Variants in TSNAX observed in about 807,000 individuals in gnomAD.
TSNAX encodes the protein translin-associated protein X.
Under a neutral mutation model 33.0 loss-of-function variants are expected in TSNAX, and 12 were observed. That is an observed-to-expected ratio of 0.36 (90% CI 0.23 to 0.59). The LOEUF (loss-of-function observed/expected upper bound fraction) is 0.59, where lower values mean the gene tolerates loss of function less well. Among genes scored for constraint, TSNAX ranks in the 20% least tolerant of loss-of-function variants. The pLI is 0.74. For synonymous variants in TSNAX, 110 were observed against 117.2 expected, an observed-to-expected ratio of 0.94 and a Z score of 0.40; for missense variants, 267 against 341.3, an observed-to-expected ratio of 0.78 and a Z score of 1.72.
At chr1:231,540,322 G>C (rs548722541) in intron 3 of TSNAX, among the ~76,000 whole-genome samples, 1 of 152,034 alleles carries the variant, frequency 6.6e-6, no homozygotes, top group African/African-American at 2.4e-5. Flanking sequence ...AGCTTCAGTA[G>C]TTTGTGTCTT....
At chr1:231,560,501 G>A (rs1172358302) in intron 4 of TSNAX, among the ~76,000 whole-genome samples, 1 of 132,116 alleles carries the variant, frequency 7.6e-6, no homozygotes, top group Non-Finnish European at 1.5e-5. Context: ...TGCAACCTTC[G>A]GCTCCTGGGT....
chr1:231,559,969 T>TATC (rs758098924), intron 4 of TSNAX, among the ~76,000 whole-genome samples: 118 of 148,154 alleles, frequency 8.0e-4, no homozygotes, highest in Non-Finnish European at 1.6e-3. Context: ...TCCAAATTAT[T>TATC]ATTATTATTA....
At chr1:231,552,299 AAAAC>A (rs1210044264) in intron 4 of TSNAX, among the ~76,000 whole-genome samples, 1 of 151,110 alleles carries the variant, frequency 6.6e-6, no homozygotes, top group African/African-American at 2.4e-5. Context: ...AAAAAAAACC[AAAAC>A]AAACAAAAAA....
intron 5 of TSNAX, among the ~76,000 whole-genome samples, 169 bp downstream of exon 5, chr1:231,561,424 G>A (rs147320254): frequency 9.2e-5 from 14 of 152,236 alleles, no homozygotes; most frequent in African/African-American, 2.9e-4. Flanking sequence ...TTCAGTTAGT[G>A]GATAGAACAA....
intron 4 of TSNAX, among the ~76,000 whole-genome samples, chr1:231,557,567 TGAG>T (rs1225474376): frequency 6.6e-6 from 1 of 152,182 alleles, no homozygotes. Context: ...AACTTAGCTC[TGAG>T]GAGGAGGAGA....
chr1:231,536,477 T>C (rs1182463611), intron 2 of TSNAX: 2 of 152,246 alleles, frequency 1.3e-5, no homozygotes, highest in African/African-American at 4.8e-5. Context: ...TTGTTTCATG[T>C]TCATTTTAAT....
intron 4 of TSNAX, among the ~76,000 whole-genome samples, chr1:231,548,529 G>A (rs1660097028): frequency 6.6e-6 from 1 of 152,192 alleles, no homozygotes; most frequent in Admixed American, 6.5e-5. Flanking sequence ...CAAGTTTGGT[G>A]TTAGCAGTGG....
intron 2 of TSNAX, chr1:231,534,454 A>G (rs1322228124): frequency 1.3e-5 from 2 of 152,250 alleles, no homozygotes; most frequent in African/African-American, 2.4e-5. Context: ...TAGAGGTAAT[A>G]AAGTAATAAG....
chr1:231,545,103 C>T (rs1659817586), intron 4 of TSNAX, among the ~76,000 whole-genome samples: 1 of 151,988 alleles, frequency 6.6e-6, no homozygotes, highest in African/African-American at 2.4e-5. Context: ...ATAAAGCAGT[C>T]AAGTAAAGAG....
rs114340180 is a variant in TSNAX at position 231,561,658 on chromosome 1, C to T, written c.495+403C>T. On this transcript the variant is annotated intron_variant, in intron 5 of 5. Coordinates refer to ENST00000366639, the MANE Select transcript of TSNAX (RefSeq NM_005999.3). The stretch of plus-strand genomic sequence containing the variant: ...AGGTTAAGTAACTTGCCAGAAGCCA[C>T]AACTAAAAAGTGTGGCAGAGCTAAG... 2.4e-3 allele frequency among the ~76,000 whole-genome samples: 367 copies of T among 152,302 alleles called. 3 individuals are homozygous for T. The highest frequency in any genetic ancestry group is 8.2e-3 in the African/African-American group (341 of 41,568).
chr1:231,560,406 T>TGCCC (rs1661003604), intron 4 of TSNAX, among the ~76,000 whole-genome samples: 1 of 32,062 alleles, frequency 3.1e-5, no homozygotes, highest in Non-Finnish European at 5.6e-5. Context: ...TTTTCTTTTC[T>TGCCC]CCCCCCCCCC....
Position 231,528,866 on chromosome 1 carries a change from G to C in TSNAX, c.16+40G>C, listed in dbSNP as rs757398850. ...AACACGGGGCGTTATTTATCCGGAGGGGGAGGTTCTCCAGTCTTTCTATGC... is the reference window on the plus strand; with the variant it reads ...AACACGGGGCGTTATTTATCCGGAGCGGGAGGTTCTCCAGTCTTTCTATGC... On this transcript the variant is annotated intron_variant, in intron 1 of 5. Transcript: ENST00000366639. 1.9e-6 allele frequency: 3 copies of C among 1,613,216 alleles called. No individual in the cohort carries two copies. The African/African-American group carries it at 4.0e-5, about 22-fold the overall frequency.
intron 4 of TSNAX, among the ~76,000 whole-genome samples, chr1:231,548,724 G>T (rs147591452): frequency 6.6e-6 from 1 of 152,218 alleles, no homozygotes; most frequent in African/African-American, 2.4e-5. Flanking sequence ...ATCTTAGGAC[G>T]TACAGGTTGC....
chr1:231,534,264 G>A (rs1356748811), intron 2 of TSNAX: 1 of 152,158 alleles, frequency 6.6e-6, no homozygotes, highest in African/African-American at 2.4e-5. Flanking sequence ...AGTAATGTAA[G>A]GCTTCATAAA....
chr1:231,547,847 T>C (rs954139378), intron 4 of TSNAX, among the ~76,000 whole-genome samples: 2 of 149,210 alleles, frequency 1.3e-5, no homozygotes, highest in Non-Finnish European at 3.0e-5. Context: ...CTTTCTTTTT[T>C]TTTTTTTTTT....
chr1:231,551,964 C>A lies in TSNAX; in HGVS notation c.368-9164C>A, dbSNP rs2124926058. On this transcript the variant is annotated intron_variant, in intron 4 of 5. Transcript: ENST00000366639. ...CCACGATTGTGCCACTGCACTCCAG[C>A]CTGTGTGACAGAGCAAGATCATGTC... Among the ~76,000 whole-genome samples, 3 of 152,154 alleles carry A rather than the reference C, an allele frequency of 2.0e-5. 1 individual carries two copies. The Middle Eastern group carries it at 0.01, about 518-fold the overall frequency.
intron 4 of TSNAX, among the ~76,000 whole-genome samples, chr1:231,548,658 T>C (rs1400364075): frequency 2.0e-5 from 3 of 152,224 alleles, no homozygotes; most frequent in African/African-American, 7.2e-5. Context: ...AGGAATGTTA[T>C]TTGTTAAGAG....
At chr1:231,551,816 A>AG (rs1056486975) in intron 4 of TSNAX, among the ~76,000 whole-genome samples, 5 of 149,844 alleles carry the variant, frequency 3.3e-5, no homozygotes, top group East Asian at 1.9e-4. Flanking sequence ...AAAAAAAAAA[A>AG]GTAAATAAAT....
At chr1:231,529,455 A>T (rs1270887778) in intron 2 of TSNAX, 96 bp downstream of exon 2, 4 of 1,275,082 alleles carry the variant, frequency 3.1e-6, no homozygotes, top group Non-Finnish European at 4.4e-6. Context: ...ATTTAATGTG[A>T]AACTTTAGCT....
Sources: allele counts gnomAD v4.1 joint callset (sites outside exome capture counted in the v4.1 genomes callset), GRCh38; gene constraint gnomAD v4.1.1; transcripts MANE v1.5; gene names NCBI Gene and HGNC (gene_info 2026-07-23, HGNC 2026-07-21).